The following PPARGC1A variants were observed in gnomAD, a reference collection of about 807,000 sequenced individuals.
PPARGC1A encodes peroxisome proliferator-activated receptor gamma coactivator 1-alpha.
A neutral mutation model predicts 88.7 loss-of-function variants in PPARGC1A; 25 were observed. The ratio of observed to expected loss-of-function variants is 0.28; its 90% CI spans 0.21 to 0.39. The LOEUF (loss-of-function observed/expected upper bound fraction) is 0.39, where lower values mean the gene tolerates loss of function less well. PPARGC1A is among the 10% of genes least tolerant of loss of function. The pLI is 1.00. For missense variants in PPARGC1A, 880 were observed against 968.7 expected (o/e 0.91, Z 1.22); for synonymous variants, 363 against 355.6 (o/e 1.02, Z -0.24).
At chr4:23,953,940 C>G in the PPARGC1A span, among the ~76,000 whole-genome samples, 1 of 151,868 alleles carries the variant, frequency 6.6e-6, no homozygotes, top group South Asian at 2.1e-4. Context: ...TTCATAAGAC[C>G]GTACTGTCTA....
At chr4:23,933,060 G>A in the PPARGC1A span, among the ~76,000 whole-genome samples, 10 of 152,316 alleles carry the variant, frequency 6.6e-5, 1 homozygote, top group South Asian at 1.7e-3. Flanking sequence ...AAATAGGAAG[G>A]AATTCGGGCC....
the PPARGC1A span, among the ~76,000 whole-genome samples, chr4:23,924,802 T>C: frequency 6.6e-6 from 1 of 152,156 alleles, no homozygotes; most frequent in Non-Finnish European, 1.5e-5. Context: ...AGGATGTGAT[T>C]TCCTGGCATA....
At chr4:23,925,695 A>G in the PPARGC1A span, among the ~76,000 whole-genome samples, 1 of 152,200 alleles carries the variant, frequency 6.6e-6, no homozygotes, top group Non-Finnish European at 1.5e-5. Flanking sequence ...TCTAGTTTTC[A>G]TTGGAAGGGG....
the PPARGC1A span, among the ~76,000 whole-genome samples, chr4:24,382,171 GA>G: frequency 0.81 from 122,593 of 152,038 alleles, 49,511 homozygotes; most frequent in East Asian, 0.88. Flanking sequence ...CAACAATGGA[GA>G]AAAAAACTAC....
At chr4:23,954,644 G>A in the PPARGC1A span, among the ~76,000 whole-genome samples, 1 of 151,944 alleles carries the variant, frequency 6.6e-6, no homozygotes, top group African/African-American at 2.4e-5. Flanking sequence ...AACTAAGATG[G>A]AGAATAAGAA....
the PPARGC1A span, among the ~76,000 whole-genome samples, chr4:24,332,907 G>A: frequency 6.6e-6 from 1 of 152,210 alleles, no homozygotes; most frequent in African/African-American, 2.4e-5. Flanking sequence ...AATATTCATA[G>A]TGAGTCTAAG....
At chr4:23,888,944 G>C in intron 1 of PPARGC1A, 3 of 985,238 alleles carry the variant, frequency 3.0e-6, no homozygotes, top group South Asian at 9.4e-5. Context: ...TCTCACCAGA[G>C]TCCACAGAAA....
the PPARGC1A span, among the ~76,000 whole-genome samples, chr4:24,084,890 G>A: frequency 3.9e-5 from 6 of 152,146 alleles, no homozygotes; most frequent in Admixed American, 3.3e-4. Context: ...ACTTATTTCA[G>A]TTCTTCTATG....
chr4:23,952,651 G>A, the PPARGC1A span, among the ~76,000 whole-genome samples: 2 of 152,054 alleles, frequency 1.3e-5, no homozygotes, highest in Non-Finnish European at 2.9e-5. Flanking sequence ...GATTAAATTT[G>A]TAAATTTTGT....
chr4:23,992,423 T>C, the PPARGC1A span, among the ~76,000 whole-genome samples: 1 of 152,130 alleles, frequency 6.6e-6, no homozygotes, highest in East Asian at 1.9e-4. Context: ...CATGATCTCA[T>C]TTAGCCTACA....
the PPARGC1A span, among the ~76,000 whole-genome samples, chr4:24,209,070 C>T: frequency 3.3e-5 from 5 of 152,200 alleles, no homozygotes; most frequent in East Asian, 3.9e-4. Context: ...TAGGCCTTGT[C>T]GAAGTCATCG....
chr4:24,018,768 C>CTT, the PPARGC1A span, among the ~76,000 whole-genome samples: 25 of 151,484 alleles, frequency 1.7e-4, no homozygotes, highest in East Asian at 4.5e-3. Context: ...CACTTTCACT[C>CTT]TTTTTTTTTT....
the PPARGC1A span, among the ~76,000 whole-genome samples, chr4:24,241,671 C>A: frequency 6.6e-6 from 1 of 152,200 alleles, no homozygotes; most frequent in East Asian, 1.9e-4. Context: ...CCAGTTTTGT[C>A]AATGGGACGC....
chr4:24,295,296 C>T, the PPARGC1A span, among the ~76,000 whole-genome samples: 5 of 152,238 alleles, frequency 3.3e-5, no homozygotes, highest in East Asian at 7.7e-4. Context: ...CCTCTCTTGA[C>T]GTTTGCCAGT....
the PPARGC1A span, among the ~76,000 whole-genome samples, chr4:24,462,996 C>T: frequency 3.3e-5 from 5 of 151,972 alleles, no homozygotes; most frequent in Non-Finnish European, 2.9e-5. Context: ...GTCTCCATAG[C>T]GTTCACCTCA....
At position 23,813,187 on chromosome 4, in the gene PPARGC1A, G is replaced by A; in HGVS notation, c.1794-62C>T. 2.3e-6 allele frequency: 3 copies of A among 1,325,454 alleles called. No homozygotes were observed. In the East Asian group the frequency reaches 6.9e-5, roughly 31 times the overall value. 82.1% of individuals were successfully genotyped at this position (1,325,454 alleles called of 1,614,324 possible). On this transcript the variant is annotated intron_variant, in intron 8 of 12. Coordinates refer to ENST00000264867, the MANE Select transcript of PPARGC1A (RefSeq NM_013261.5). Reference sequence around the variant, plus strand: ...ACTGCCACTTAACCCAAGTTTATCGGCACTGTGGAGCATCCTCTGGGACAC... The same window carrying A: ...ACTGCCACTTAACCCAAGTTTATCGACACTGTGGAGCATCCTCTGGGACAC...
the PPARGC1A span, among the ~76,000 whole-genome samples, chr4:24,038,707 T>G: frequency 6.6e-6 from 1 of 152,162 alleles, no homozygotes; most frequent in African/African-American, 2.4e-5. Context: ...GTTCTTTTTT[T>G]CACTCCCTCT....
At chr4:24,266,564 G>A in the PPARGC1A span, among the ~76,000 whole-genome samples, 1 of 152,082 alleles carries the variant, frequency 6.6e-6, no homozygotes, top group Non-Finnish European at 1.5e-5. Context: ...TAGCAAATAA[G>A]TAAGAATTTC....
chr4:23,919,034 AT>A, the PPARGC1A span, among the ~76,000 whole-genome samples: 1 of 152,142 alleles, frequency 6.6e-6, no homozygotes, highest in African/African-American at 2.4e-5. Flanking sequence ...TGCTTCTCCT[AT>A]CCATACTGCA....
Sources: allele counts gnomAD v4.1 joint callset (sites outside exome capture counted in the v4.1 genomes callset), GRCh38; gene constraint gnomAD v4.1.1; transcripts MANE v1.5; gene names NCBI Gene and HGNC (gene_info 2026-07-23, HGNC 2026-07-21).